The following ZNF704 variants were observed in gnomAD, a reference collection of about 807,000 sequenced individuals.
ZNF704 encodes zinc finger protein 704.
A neutral mutation model predicts 44.7 loss-of-function variants in ZNF704; 10 were observed. The ratio of observed to expected loss-of-function variants is 0.22; its 90% confidence interval spans 0.14 to 0.38. The LOEUF is 0.38. Among genes scored for constraint, ZNF704 ranks in the 10% least tolerant of loss-of-function variants. The pLI is 1.00. For synonymous variants in ZNF704, 211 were observed against 207.6 expected (o/e 1.02, Z -0.14); for missense variants, 390 against 545.5 (o/e 0.71, Z 2.84).
intron 1 of ZNF704, among the ~76,000 whole-genome samples, chr8:80,829,651 T>C (rs749037126): frequency 6.6e-6 from 1 of 152,164 alleles, no homozygotes; most frequent in Non-Finnish European, 1.5e-5. Context: ...ATAGAATACA[T>C]TTCCTATAGA....
rs191459638 is a variant in ZNF704 at position 80,753,515 on chromosome 8, A to C, written c.222-60408T>G. Among the ~76,000 whole-genome samples, 308 of 152,228 alleles carry C rather than the reference A, an allele frequency of 2.0e-3. 3 individuals carry two copies. Among genetic ancestry groups the C allele is most frequent in the Non-Finnish European group, 8.5e-4 (58 of 68,012 alleles). On this transcript the variant is annotated intron_variant, in intron 2 of 8. Transcript: ENST00000327835. ...TCCAGTGCTGAGCCCAAACAACAAA[A>C]GTTAAATGTGGCCTTCCCCATTGAT...
chr8:80,665,721 A>G (rs555607723), intron 5 of ZNF704, among the ~76,000 whole-genome samples: 1 of 152,154 alleles, frequency 6.6e-6, no homozygotes, highest in African/African-American at 2.4e-5. Flanking sequence ...TAAAAAATAG[A>G]TATTTAATAT....
In ZNF704 at chr8:80,854,128, C is replaced by T. The variant is rs995348085; in HGVS notation, c.-22+20443G>A. ...GACTGTGAGGATTATAGGAAATACA[C>T]AAGATATTGTGTATGAAATGATGGT... On this transcript the variant is annotated intron_variant, in intron 1 of 8. Coordinates refer to ENST00000327835, the MANE Select transcript of ZNF704 (RefSeq NM_001033723.3). Among the ~76,000 whole-genome samples the T allele has an allele frequency of 2.0e-5, 3 of 152,222 alleles. No homozygotes were observed. The South Asian group carries it at 6.2e-4, about 32-fold the overall frequency.
At chr8:80,647,954 T>C (rs905845252) in intron 7 of ZNF704, among the ~76,000 whole-genome samples, 1 of 152,198 alleles carries the variant, frequency 6.6e-6, no homozygotes, top group Admixed American at 6.5e-5. Context: ...AAATTTATTT[T>C]TTAAAGTTCT....
intron 2 of ZNF704, among the ~76,000 whole-genome samples, chr8:80,714,236 T>A (rs1819036883): frequency 6.6e-6 from 1 of 152,176 alleles, no homozygotes; most frequent in Non-Finnish European, 1.5e-5. Flanking sequence ...GAGATGAAAG[T>A]CTATCAATAC....
chr8:80,777,109 A>G (rs1807427157), intron 2 of ZNF704: 1 of 152,116 alleles, frequency 6.6e-6, no homozygotes, highest in Non-Finnish European at 1.5e-5. Context: ...GGAAGGGCAA[A>G]GTTATTTTTT....
At chr8:80,845,876 G>A (rs909645878) in intron 1 of ZNF704, among the ~76,000 whole-genome samples, 1 of 152,054 alleles carries the variant, frequency 6.6e-6, no homozygotes, top group Non-Finnish European at 1.5e-5. Context: ...ATATACTTCA[G>A]AAGATTTTAA....
In ZNF704 at chr8:80,641,760, C is replaced by T. The variant is rs190697677; in HGVS notation, c.1128-283G>A. 4.2e-3 allele frequency among the ~76,000 whole-genome samples: 646 copies of T among 152,208 alleles called. 5 individuals are homozygous for T. The highest frequency in any genetic ancestry group is 7.5e-3 in the Non-Finnish European group (512 of 68,016). ...CCTGTAATCCCAGCTACTCAGGAGG[C>T]TGAGGCAGGAGAATCACTTGAACCC... On this transcript the variant is annotated intron_variant, in intron 8 of 8. Transcript: ENST00000327835.
chr8:80,848,457 G>T (rs1808803397), intron 1 of ZNF704, among the ~76,000 whole-genome samples: 1 of 152,208 alleles, frequency 6.6e-6, no homozygotes, highest in Non-Finnish European at 1.5e-5. Context: ...GGTTACACAA[G>T]ATGTTACCAT....
chr8:80,653,995 T>C (rs1406095981), intron 7 of ZNF704, among the ~76,000 whole-genome samples: 4 of 152,062 alleles, frequency 2.6e-5, no homozygotes, highest in East Asian at 1.9e-4. Context: ...AACAGAGATA[T>C]AGACCAATGG....
chr8:80,646,686 A>G (rs59265085), intron 7 of ZNF704, among the ~76,000 whole-genome samples: 7,052 of 152,190 alleles, frequency 0.046, 558 homozygotes, highest in African/African-American at 0.16. Context: ...TTCCTCCAAG[A>G]GCAGAATCCT....
At chr8:80,786,428 C>A (rs1173263189) in intron 2 of ZNF704, among the ~76,000 whole-genome samples, 1 of 152,142 alleles carries the variant, frequency 6.6e-6, no homozygotes, top group Non-Finnish European at 1.5e-5. Flanking sequence ...CTGCTACCTA[C>A]CATTCCTCTC....
intron 7 of ZNF704, chr8:80,645,158 T>G: frequency 6.2e-7 from 1 of 1,602,076 alleles, no homozygotes; most frequent in Non-Finnish European, 8.5e-7. Flanking sequence ...AATAGTAAAT[T>G]TGTTTGTGCG....
intron 4 of ZNF704, among the ~76,000 whole-genome samples, chr8:80,684,508 A>T (rs1029468356): frequency 6.6e-6 from 1 of 152,220 alleles, no homozygotes; most frequent in African/African-American, 2.4e-5. Context: ...GACTATCACA[A>T]TGGGTTTTAA....
chr8:80,782,974 A>C (rs149724061), intron 2 of ZNF704, among the ~76,000 whole-genome samples: 32 of 152,322 alleles, frequency 2.1e-4, no homozygotes, highest in Non-Finnish European at 3.8e-4. Flanking sequence ...TGAGCTGTTG[A>C]AAACTGTGTT....
chr8:80,707,439 T>C (rs1444323955), intron 2 of ZNF704, among the ~76,000 whole-genome samples: 4 of 152,210 alleles, frequency 2.6e-5, no homozygotes, highest in African/African-American at 9.6e-5. Context: ...CAAAAGGATC[T>C]CTGTGGGTTT....
intron 1 of ZNF704, among the ~76,000 whole-genome samples, chr8:80,850,775 G>A (rs987915282): frequency 6.6e-6 from 1 of 151,992 alleles, no homozygotes; most frequent in Non-Finnish European, 1.5e-5. Context: ...AACTCATAAG[G>A]CTATACTGCA....
chr8:80,768,665 C>A (rs989192322), intron 2 of ZNF704, among the ~76,000 whole-genome samples: 4 of 151,358 alleles, frequency 2.6e-5, no homozygotes, highest in South Asian at 4.1e-4. Flanking sequence ...GTTAACATCG[C>A]ATGCTATCTA....
At chr8:80,774,141 G>A (rs777373433) in intron 2 of ZNF704, among the ~76,000 whole-genome samples, 7 of 151,236 alleles carry the variant, frequency 4.6e-5, no homozygotes, top group Non-Finnish European at 7.4e-5. Context: ...CTGCAGCCTC[G>A]ATCTCTCGAT....
Sources: allele counts gnomAD v4.1 joint callset (sites outside exome capture counted in the v4.1 genomes callset), GRCh38; gene constraint gnomAD v4.1.1; transcripts MANE v1.5; gene names NCBI Gene and HGNC (gene_info 2026-07-23, HGNC 2026-07-21).